Variants in NCLN observed in about 807,000 individuals in gnomAD.
NCLN encodes the protein BOS complex subunit NCLN.
In NCLN, 34 loss-of-function variants were observed where a neutral mutation model predicts 69.5. The ratio of observed to expected loss-of-function variants is 0.49; its 90% CI spans 0.37 to 0.65. The LOEUF (loss-of-function observed/expected upper bound fraction) is 0.65, where lower values mean the gene tolerates loss of function less well. Ranked by LOEUF, NCLN falls within the 30% of genes least tolerant of loss-of-function variation. NCLN has a pLI of 0.00. For synonymous variants in NCLN, 393 were observed against 358.3 expected, an observed-to-expected ratio of 1.10 and a Z score of -1.09; for missense variants, 710 against 804.8, an observed-to-expected ratio of 0.88 and a Z score of 1.42.
Position 3,206,194 on chromosome 19 carries a change from AG to A in NCLN, c.1335+9del. 2 of 870,770 alleles carry A rather than the reference AG, an allele frequency of 2.3e-6. No homozygotes were observed. The highest frequency in any genetic ancestry group is 8.1e-5 in the East Asian group (1 of 12,314). The allele number at this position is 870,770 out of a possible 1,614,324, so 53.9% of individuals were successfully genotyped here. A position where few individuals can be genotyped will look rare whatever the true frequency, so the allele number is the denominator to read the frequency against. ...GCCGGTGTTCACAGAGCAGATGGTA[AG>A]GGGGCCAGGCCAGTGGGTGGGTGGG... On this transcript the variant is annotated splice_donor_5th_base_variant and intron_variant, in intron 11 of 14. Coordinates refer to ENST00000246117, the MANE Select transcript of NCLN (RefSeq NM_020170.4).
At chr19:3,189,743 AG>A (rs1193770619) in intron 1 of NCLN, among the ~76,000 whole-genome samples, 1 of 152,214 alleles carries the variant, frequency 6.6e-6, no homozygotes, top group African/African-American at 2.4e-5. Context: ...CTGGCCCTCG[AG>A]GGAGGCTGGG....
chr19:3,202,075 C>T lies in NCLN; in HGVS notation c.800+449C>T, dbSNP rs540432847. ...GTGCCCTCCGACATCACCCACTGTC[C>T]GCTGGGGGCAGAAGCACCCCTGGTT... is the stretch of plus-strand genomic sequence containing the variant. On this transcript the variant is annotated intron_variant, in intron 6 of 14. Coordinates refer to ENST00000246117, the MANE Select transcript of NCLN (RefSeq NM_020170.4). Among the ~76,000 whole-genome samples, 12 of 152,264 alleles carry T rather than the reference C, an allele frequency of 7.9e-5. No individual in the cohort carries two copies. In the South Asian group the frequency reaches 1.4e-3, roughly 18 times the overall value.
chr19:3,203,153 A>C (rs1373857177), intron 6 of NCLN, among the ~76,000 whole-genome samples: 1 of 152,014 alleles, frequency 6.6e-6, no homozygotes, highest in Non-Finnish European at 1.5e-5. Context: ...TACTAAAAAT[A>C]CAAAATTAGC....
rs770633483 is a variant in NCLN at position 3,205,823 on chromosome 19, T to C, written c.1209-116T>C. On this transcript the variant is annotated intron_variant, in intron 9 of 14. Transcript: ENST00000246117. The surrounding 1 kb of genome is among the most constrained non-coding windows in gnomAD (Gnocchi z 4.6). ...TAAAGCTAAGCTTAATTTTTTTTTT[T>C]TTTTAAAGACAGAGTCTCACGGTCT... 30 of 950,488 alleles carry C rather than the reference T, an allele frequency of 3.2e-5. No homozygotes were observed. The South Asian group carries it at 4.6e-4, about 14-fold the overall frequency. 58.9% of individuals were successfully genotyped at this position (950,488 alleles called of 1,614,324 possible).
intron 10 of NCLN, 50 bp downstream of exon 10, chr19:3,206,076 C>CGGCCCCGGCCCCACCCCT: frequency 1.3e-6 from 2 of 1,595,532 alleles, no homozygotes; most frequent in South Asian, 1.1e-5. Context: ...GCCCTGCCCC[C>CGGCCCCGGCCCCACCCCT]GGCCCCGGCC....
intron 3 of NCLN, among the ~76,000 whole-genome samples, chr19:3,195,768 G>C (rs971372677): frequency 2.6e-5 from 4 of 152,046 alleles, no homozygotes; most frequent in Non-Finnish European, 5.9e-5. Flanking sequence ...TCCAGCCTGG[G>C]TGACAGCATG....
intron 4 of NCLN, among the ~76,000 whole-genome samples, chr19:3,197,706 C>T (rs1229069307): frequency 2.6e-5 from 4 of 152,012 alleles, no homozygotes; most frequent in Admixed American, 1.3e-4. Flanking sequence ...CTGCAACCTC[C>T]GCCTCCTAGG....
In NCLN at chr19:3,207,706, C is replaced by A. The variant is rs549477603; in HGVS notation, c.*18C>A. On this transcript the variant is annotated 3_prime_UTR_variant, in exon 15 of 15. Transcript: ENST00000246117. Reference sequence around the variant, plus strand: ...CACAGTGACACAGCCACCCCCACAGCCGGAGCCCCCGCCGCTCCACAGTCC... The same window carrying A: ...CACAGTGACACAGCCACCCCCACAGACGGAGCCCCCGCCGCTCCACAGTCC... 5 of 1,600,668 alleles carry A rather than the reference C, an allele frequency of 3.1e-6. No individual in the cohort carries two copies. In the East Asian group the frequency reaches 1.1e-4, roughly 36 times the overall value.
chr19:3,204,491 G>A, intron 8 of NCLN, 82 bp from the exon 9 acceptor site: 1 of 1,398,074 alleles, frequency 7.2e-7, no homozygotes, highest in Non-Finnish European at 9.5e-7. Flanking sequence ...GGGGTTCTGG[G>A]AGGCCCCTGG....
At chr19:3,186,237 C>T in intron 1 of NCLN, 23 bp downstream of exon 1, 2 of 1,449,594 alleles carry the variant, frequency 1.4e-6, no homozygotes, top group African/African-American at 2.9e-5. Context: ...GGCCCACCCT[C>T]GGGGCTCCCC....
Position 3,191,365 on chromosome 19 carries a change from C to T in NCLN, c.185-1105C>T, listed in dbSNP as rs149504935. On this transcript the variant is annotated intron_variant, in intron 1 of 14. Transcript: ENST00000246117. Reference sequence around the variant, plus strand: ...AGAAGTGAATAAGCCCGTGATGGAGCGACAGCCCCAGGCTCTCAGCGACGG... The same window carrying T: ...AGAAGTGAATAAGCCCGTGATGGAGTGACAGCCCCAGGCTCTCAGCGACGG... 2.1e-3 allele frequency among the ~76,000 whole-genome samples: 313 copies of T among 152,260 alleles called. 1 individual carries two copies. The highest frequency in any genetic ancestry group is 7.0e-3 in the African/African-American group (289 of 41,550).
chr19:3,204,473 C>T (rs1916208962), intron 8 of NCLN, 100 bp from the exon 9 acceptor site: 2 of 1,302,092 alleles, frequency 1.5e-6, no homozygotes, highest in Non-Finnish European at 1.0e-6. Context: ...CCTCATTTTG[C>T]ACCCTCGGGG....
At chr19:3,199,670 A>G (rs1916071497) in intron 5 of NCLN, among the ~76,000 whole-genome samples, 1 of 146,112 alleles carries the variant, frequency 6.8e-6, no homozygotes, top group African/African-American at 2.5e-5. Flanking sequence ...CACGGTGTCA[A>G]CCAGCACCCT....
chr19:3,191,012 G>A (rs963018890), intron 1 of NCLN, among the ~76,000 whole-genome samples: 1 of 145,916 alleles, frequency 6.9e-6, no homozygotes, highest in Non-Finnish European at 1.5e-5. Flanking sequence ...GCGGTGTGTG[G>A]CGGGCAGCAG....
chr19:3,200,752 C>T (rs933060059), intron 5 of NCLN, among the ~76,000 whole-genome samples: 4 of 152,144 alleles, frequency 2.6e-5, no homozygotes, highest in African/African-American at 9.6e-5. Context: ...CCCTCCCCAT[C>T]AGCAGTCACT....
At chr19:3,188,508 A>C (rs906664920) in intron 1 of NCLN, among the ~76,000 whole-genome samples, 1 of 149,288 alleles carries the variant, frequency 6.7e-6, no homozygotes, top group Non-Finnish European at 1.5e-5. Context: ...TCCTTCCCCG[A>C]TTCCCTCGGC....
rs758787685 is a variant in NCLN, at chr19:3,185,985, C to A, written c.-46C>A. On this transcript the variant is annotated 5_prime_UTR_variant, in exon 1 of 15. Transcript: ENST00000246117. ...AGTCCGCGGGAGCCGCCGCCGCCGC[C>A]GTCCCGTCCCAGCTGCCGCCCCGCG... is the stretch of plus-strand genomic sequence containing the variant. The A allele has an allele frequency of 2.1e-6, 3 of 1,402,480 alleles. No homozygotes were observed. Among genetic ancestry groups the A allele is most frequent in the Non-Finnish European group, 2.8e-6 (3 of 1,076,306 alleles). 86.9% of individuals were successfully genotyped at this position (1,402,480 alleles called of 1,614,324 possible).
In NCLN at chr19:3,207,938, C is replaced by T; in HGVS notation, c.*250C>T. On this transcript the variant is annotated 3_prime_UTR_variant, in exon 15 of 15. Coordinates refer to ENST00000246117, the MANE Select transcript of NCLN (RefSeq NM_020170.4). Reference sequence around the variant, plus strand: ...GCTTGGGAGACGTCCCGGGGCCAGGCTACGGACTTGCGGACGAGCCCCCCA... The same window carrying T: ...GCTTGGGAGACGTCCCGGGGCCAGGTTACGGACTTGCGGACGAGCCCCCCA... 1.9e-6 allele frequency: 1 copy of T among 517,888 alleles called. No homozygotes were observed. The highest frequency in any genetic ancestry group is 3.5e-6 in the Non-Finnish European group (1 of 288,870). 32.1% of individuals were successfully genotyped at this position (517,888 alleles called of 1,614,324 possible).
Position 3,193,378 on chromosome 19 carries a change from A to G in NCLN, c.470A>G (p.Lys157Arg), listed in dbSNP as rs373043932. The G allele has an allele frequency of 1.7e-4, 270 of 1,611,756 alleles. 1 individual carries two copies. Among genetic ancestry groups the G allele is most frequent in the Middle Eastern group, 1.3e-3 (8 of 6,062 alleles). ...VEDEALLSIY[K>R]QTQAASASQG... Reference sequence around the variant, plus strand: ...GACGAGGCCCTGCTGTCTATCTACAAGCAGACCCAGGCTGCCTCCGCCTCC... The same window carrying G: ...GACGAGGCCCTGCTGTCTATCTACAGGCAGACCCAGGCTGCCTCCGCCTCC... Residue 157 changes from lysine to arginine, a missense_variant, in exon 3 of 15, where the codon AAG (lysine) becomes AGG (arginine). Physicochemically the swap from Lys to Arg is conservative, Grantham distance 26. Transcript: ENST00000246117.
Sources: allele counts gnomAD v4.1 joint callset (sites outside exome capture counted in the v4.1 genomes callset), GRCh38; gene constraint gnomAD v4.1.1; non-coding constraint Gnocchi (gnomAD v3.1); transcripts MANE v1.5; gene names NCBI Gene and HGNC (gene_info 2026-07-23, HGNC 2026-07-21).